ALDH3A2: variants seen among roughly 807,000 people sequenced by gnomAD.
ALDH3A2 encodes aldehyde dehydrogenase 3 family member A2, also known as aldehyde dehydrogenase family 3 member A2.
Under a neutral mutation model 51.3 loss-of-function variants are expected in ALDH3A2, and 36 were observed. The ratio of observed to expected loss-of-function variants is 0.70; its 90% confidence interval spans 0.54 to 0.93. ALDH3A2 has a LOEUF of 0.93. ALDH3A2 is among the 40% of genes least tolerant of loss of function. The pLI is 0.00. For missense variants in ALDH3A2, 552 were observed against 603.1 expected (o/e 0.92, Z 0.89); for synonymous variants, 199 against 219.8 (o/e 0.91, Z 0.84).
At chr17:19,660,309 CTGT>C (rs2084950109) in intron 5 of ALDH3A2, among the ~76,000 whole-genome samples, 2 of 152,078 alleles carry the variant, frequency 1.3e-5, no homozygotes, top group Admixed American at 1.3e-4. Flanking sequence ...TTGAAAACTA[CTGT>C]TGGTGACTCT....
intron 6 of ALDH3A2, chr17:19,662,099 AAG>A (rs1271889275): frequency 1.3e-5 from 2 of 152,120 alleles, no homozygotes; most frequent in Admixed American, 6.5e-5. Context: ...CTGTAGAAAA[AAG>A]AGAAAACAGA....
chr17:19,652,762 C>A, intron 3 of ALDH3A2, 130 bp downstream of exon 3: 1 of 793,000 alleles, frequency 1.3e-6, no homozygotes, highest in Non-Finnish European at 2.2e-6. Context: ...CAACAGTTGG[C>A]TTAGCAAAAG....
chr17:19,651,659 T>C lies in ALDH3A2; in HGVS notation c.266T>C (p.Leu89Pro). The C allele has an allele frequency of 6.2e-7, 1 of 1,614,216 alleles. No homozygotes were observed. The highest frequency in any genetic ancestry group is 8.5e-7 in the Non-Finnish European group (1 of 1,180,030). Residue 89 changes from leucine (L) to proline (P), a missense_variant, in exon 2 of 10, where the codon CTC becomes CCC. Coordinates refer to ENST00000176643, the MANE Select transcript of ALDH3A2 (RefSeq NM_000382.3). Reference sequence around the variant, plus strand: ...GCTAAACCAGTTAAGAAGAACGTGCTCACCATGCTGGATGAGGCCTATATT... The same window carrying C: ...GCTAAACCAGTTAAGAAGAACGTGCCCACCATGCTGGATGAGGCCTATATT... ...VTAKPVKKNV[L>P]TMLDEAYIQP... is the part of the protein sequence containing the mutation.
intron 4 of ALDH3A2, 119 bp downstream of exon 4, chr17:19,656,693 T>C: frequency 9.5e-7 from 1 of 1,048,222 alleles, no homozygotes; most frequent in Non-Finnish European, 1.4e-6. Context: ...TTATTAAGCT[T>C]TGGTGGTTGA....
intron 4 of ALDH3A2, among the ~76,000 whole-genome samples, chr17:19,657,403 A>G (rs1299093628): frequency 2.6e-5 from 4 of 152,232 alleles, no homozygotes; most frequent in Non-Finnish European, 2.9e-5. Flanking sequence ...CTGGTCATCC[A>G]GGACTTTCCT....
At position 19,648,868 on chromosome 17, in the gene ALDH3A2, C is replaced by T. The variant is rs944782276; in HGVS notation, c.-104C>T. ...TGTGGGTTGACGGTGGAGACACCCC[C>T]CGGAGGGAGGCGGAGGGAAGGGAGG... is the stretch of plus-strand genomic sequence containing the variant. On this transcript the variant is annotated 5_prime_UTR_variant, in exon 1 of 10. Transcript: ENST00000176643. 6.9e-7 allele frequency: 1 copy of T among 1,458,712 alleles called. No homozygotes were observed. Among genetic ancestry groups the T allele is most frequent in the African/African-American group, 1.4e-5 (1 of 71,600 alleles). 90.4% of individuals were successfully genotyped at this position (1,458,712 alleles called of 1,614,324 possible).
chr17:19,665,812 A>G (rs146740264), intron 8 of ALDH3A2, among the ~76,000 whole-genome samples: 403 of 152,308 alleles, frequency 2.6e-3, no homozygotes, highest in Non-Finnish European at 4.1e-3. Context: ...ACATTCTCAT[A>G]ACAAAAACCC....
chr17:19,669,950 A>C (rs967450312), intron 8 of ALDH3A2, among the ~76,000 whole-genome samples: 1 of 152,108 alleles, frequency 6.6e-6, no homozygotes. Flanking sequence ...AAATGCACGC[A>C]TTTTAGAGAC....
At chr17:19,663,257 C>T in intron 6 of ALDH3A2, 76 bp from the exon 7 acceptor site, 1 of 1,530,716 alleles carries the variant, frequency 6.5e-7, no homozygotes, top group Non-Finnish European at 9.0e-7. Flanking sequence ...ATAAGTGACC[C>T]AATGAAAGAG....
rs1229066777 is a variant in ALDH3A2, at chr17:19,648,835, A to G, written c.-137A>G. 8.3e-7 allele frequency: 1 copy of G among 1,206,962 alleles called. No homozygotes were observed. The highest frequency in any genetic ancestry group is 1.5e-5 in the African/African-American group (1 of 66,420). The allele number at this position is 1,206,962 out of a possible 1,614,324, so 74.8% of individuals were successfully genotyped here. A position where few individuals can be genotyped will look rare whatever the true frequency, so the allele number is the denominator to read the frequency against. ...GAGCGAGCGAGCCCTGGGCGAGTGA[A>G]TTGTGGCTGTGGGTTGACGGTGGAG... On this transcript the variant is annotated 5_prime_UTR_variant, in exon 1 of 10. Transcript: ENST00000176643.
chr17:19,667,056 A>C (rs1476897699), intron 8 of ALDH3A2, among the ~76,000 whole-genome samples: 3 of 152,166 alleles, frequency 2.0e-5, no homozygotes, highest in Admixed American at 6.5e-5. Context: ...GAGCCCAAAG[A>C]ATAAACATTT....
chr17:19,653,783 C>A (rs533313825), intron 3 of ALDH3A2, among the ~76,000 whole-genome samples: 11 of 152,160 alleles, frequency 7.2e-5, no homozygotes, highest in African/African-American at 2.2e-4. Flanking sequence ...AGCAGGTTGC[C>A]GCTGCTGGCT....
At chr17:19,666,955 T>TA (rs2085046874) in intron 8 of ALDH3A2, among the ~76,000 whole-genome samples, 1 of 151,586 alleles carries the variant, frequency 6.6e-6, no homozygotes, top group South Asian at 2.1e-4. Flanking sequence ...GGCCATGCTG[T>TA]AAAAAAATAA....
intron 8 of ALDH3A2, among the ~76,000 whole-genome samples, chr17:19,667,138 C>T (rs550371384): frequency 6.6e-6 from 1 of 152,202 alleles, no homozygotes; most frequent in South Asian, 2.1e-4. Flanking sequence ...CACATATACA[C>T]GGTCATCTGA....
chr17:19,659,908 C>A (rs1160057608), intron 5 of ALDH3A2, among the ~76,000 whole-genome samples: 1 of 151,284 alleles, frequency 6.6e-6, no homozygotes, highest in South Asian at 2.1e-4. Flanking sequence ...ACTATGTGTT[C>A]CAGGCAGAGT....
At chr17:19,650,563 C>T (rs913497981) in intron 1 of ALDH3A2, among the ~76,000 whole-genome samples, 1 of 152,252 alleles carries the variant, frequency 6.6e-6, no homozygotes, top group East Asian at 1.9e-4. Context: ...ACACCATTCT[C>T]CTGCCTCAGC....
Position 19,661,153 on chromosome 17 carries a change from G to C in ALDH3A2, c.825G>C (p.Glu275Asp). 6.2e-7 allele frequency: 1 copy of C among 1,611,880 alleles called. No individual in the cohort carries two copies. The highest frequency in any genetic ancestry group is 8.5e-7 in the Non-Finnish European group (1 of 1,178,006). The part of the protein sequence containing the change: ...VKEFYGENIK[E>D]SPDYERIINL... ...AATTTTATGGAGAAAATATAAAAGA[G>C]TCTCCTGATTATGAAAGGATCATCA... is the stretch of plus-strand genomic sequence containing the variant. The change falls in exon 6 of 10, where the codon GAG (glutamate) becomes GAC (aspartate). Residue 275 changes from glutamate (E) to aspartate (D), a missense_variant. Physicochemically the swap from Glu to Asp is conservative, Grantham distance 45. Transcript: ENST00000176643.
rs2085017069 is a variant in ALDH3A2 at position 19,665,050 on chromosome 17, G to A, written c.1207+3G>A. The A allele has an allele frequency of 6.2e-7, 1 of 1,611,498 alleles. No individual in the cohort carries two copies. The highest frequency in any genetic ancestry group is 1.3e-5 in the African/African-American group (1 of 74,840). ...CTCTTTCCCATTTGGAGGAGTGGGT[G>A]AGTCTTATTTTCTCCTGCTTGTAGT... On this transcript the variant is annotated splice_donor_region_variant and intron_variant, in intron 8 of 9. Coordinates refer to ENST00000176643, the MANE Select transcript of ALDH3A2 (RefSeq NM_000382.3).
At chr17:19,658,334 G>T (rs1223291257) in intron 5 of ALDH3A2, among the ~76,000 whole-genome samples, 2 of 152,160 alleles carry the variant, frequency 1.3e-5, no homozygotes, top group African/African-American at 4.8e-5. Context: ...CAATCTTTCA[G>T]CGTGTTTAAA....
Sources: gnomAD v4.1 joint callset for allele counts (sites outside exome capture counted in the v4.1 genomes callset) on GRCh38, gnomAD v4.1.1 for gene constraint, MANE v1.5 for transcripts, NCBI Gene and HGNC (gene_info 2026-07-23, HGNC 2026-07-21) for gene names.